The following CAB39L variants were observed in gnomAD, a reference collection of about 807,000 sequenced individuals.
CAB39L encodes calcium binding protein 39 like, also known as calcium-binding protein 39-like.
Under a neutral mutation model 39.1 loss-of-function variants are expected in CAB39L, and 23 were observed. The observed-to-expected ratio is 0.59, with a 90% CI of 0.42 to 0.83. The LOEUF is 0.83. CAB39L is among the 40% of genes least tolerant of loss of function. The pLI is 0.00. For synonymous variants in CAB39L, 126 were observed against 137.2 expected, an observed-to-expected ratio of 0.92 and a Z score of 0.57; for missense variants, 366 against 391.9, an observed-to-expected ratio of 0.93 and a Z score of 0.56.
intron 3 of CAB39L, among the ~76,000 whole-genome samples, chr13:49,420,798 T>C (rs1469825381): frequency 1.3e-5 from 2 of 152,192 alleles, no homozygotes; most frequent in African/African-American, 4.8e-5. Context: ...TTACGAGAAT[T>C]TGAAAGATAG....
chr13:49,379,900 G>A (rs1161477634), intron 4 of CAB39L, among the ~76,000 whole-genome samples: 1 of 150,358 alleles, frequency 6.7e-6, no homozygotes, highest in African/African-American at 2.5e-5. Flanking sequence ...GGAGTGCAGT[G>A]GCACAATCTT....
intron 3 of CAB39L, among the ~76,000 whole-genome samples, chr13:49,392,843 A>G (rs1039243074): frequency 2.6e-5 from 4 of 152,144 alleles, no homozygotes. Context: ...ACAAAATACC[A>G]AATCAGGTTT....
chr13:49,400,584 C>T (rs1260272850), intron 3 of CAB39L, among the ~76,000 whole-genome samples: 1 of 151,962 alleles, frequency 6.6e-6, no homozygotes, highest in Non-Finnish European at 1.5e-5. Flanking sequence ...AACCCAAATG[C>T]ATTCATTCAT....
At chr13:49,340,534 G>A (rs569471945) in intron 8 of CAB39L, among the ~76,000 whole-genome samples, 46 of 152,150 alleles carry the variant, frequency 3.0e-4, no homozygotes, top group Middle Eastern at 3.2e-3. Context: ...GACAATCACC[G>A]ATAGAGAATA....
intron 6 of CAB39L, among the ~76,000 whole-genome samples, chr13:49,355,451 C>T (rs1027546145): frequency 6.6e-6 from 1 of 152,058 alleles, no homozygotes; most frequent in Non-Finnish European, 1.5e-5. Flanking sequence ...AATCCAATGT[C>T]AATGAGCACC....
chr13:49,415,068 G>A (rs536292781), intron 3 of CAB39L, among the ~76,000 whole-genome samples: 3 of 151,738 alleles, frequency 2.0e-5, no homozygotes, highest in Non-Finnish European at 2.9e-5. Context: ...GTGGTGGTGC[G>A]TGCCTGTGGT....
chr13:49,344,327 G>A (rs1955085396), intron 7 of CAB39L, 89 bp from the exon 8 acceptor site: 1 of 735,416 alleles, frequency 1.4e-6, no homozygotes, highest in Non-Finnish European at 2.3e-6. Flanking sequence ...ACATATAAAA[G>A]TTGCAGAAGA....
chr13:49,406,333 A>AATTTTTTTTTT (rs1555264228), intron 3 of CAB39L, among the ~76,000 whole-genome samples: 17 of 90,598 alleles, frequency 1.9e-4, no homozygotes, highest in Non-Finnish European at 3.1e-4. Flanking sequence ...ATGCCCAGCT[A>AATTTTTTTTTT]TTTTTTTTTT....
intron 9 of CAB39L, among the ~76,000 whole-genome samples, chr13:49,335,578 T>G (rs1011242535): frequency 6.6e-6 from 1 of 152,236 alleles, no homozygotes; most frequent in Admixed American, 6.5e-5. Context: ...AAATTTCTTA[T>G]TTTGTATGCC....
intron 3 of CAB39L, among the ~76,000 whole-genome samples, chr13:49,406,501 A>G (rs9535231): frequency 0.43 from 64,528 of 151,538 alleles, 14,025 homozygotes; most frequent in Middle Eastern, 0.53. Context: ...TAACACAAAA[A>G]ATTGACGAAT....
intron 9 of CAB39L, among the ~76,000 whole-genome samples, chr13:49,334,349 C>T (rs181889770): frequency 1.3e-5 from 2 of 152,146 alleles, no homozygotes; most frequent in African/African-American, 4.8e-5. Context: ...AAAAAAGTAA[C>T]TCATTAAGAT....
At chr13:49,314,370 T>C (rs1016874343) in intron 10 of CAB39L, among the ~76,000 whole-genome samples, 3 of 152,206 alleles carry the variant, frequency 2.0e-5, no homozygotes, top group Non-Finnish European at 4.4e-5. Context: ...GTAAGTCTCC[T>C]GAAAGCCTTC....
At chr13:49,313,870 T>G (rs1226751123) in intron 10 of CAB39L, among the ~76,000 whole-genome samples, 2 of 151,824 alleles carry the variant, frequency 1.3e-5, no homozygotes, top group Non-Finnish European at 2.9e-5. Flanking sequence ...GCAGTGGGGG[T>G]TTCATGGCTA....
At chr13:49,318,203 T>G (rs577176358) in intron 10 of CAB39L, among the ~76,000 whole-genome samples, 2 of 152,074 alleles carry the variant, frequency 1.3e-5, no homozygotes, top group South Asian at 4.2e-4. Context: ...GGCTCATGCC[T>G]GTAATCCCAA....
At chr13:49,399,518 C>A (rs903488901) in intron 3 of CAB39L, among the ~76,000 whole-genome samples, 5 of 152,020 alleles carry the variant, frequency 3.3e-5, no homozygotes, top group Non-Finnish European at 7.4e-5. Context: ...GGTTTTTCTA[C>A]AGCATGGGTA....
At chr13:49,329,578 T>A (rs1163788176) in intron 10 of CAB39L, among the ~76,000 whole-genome samples, 1,465 of 100,268 alleles carry the variant, frequency 0.015, 142 homozygotes, top group African/African-American at 0.039. Context: ...TATATATATA[T>A]ATATATATAT....
intron 3 of CAB39L, among the ~76,000 whole-genome samples, chr13:49,404,660 A>C (rs1184487606): frequency 6.6e-6 from 1 of 152,164 alleles, no homozygotes; most frequent in Non-Finnish European, 1.5e-5. Context: ...AGCTGTTTTG[A>C]GGAAGCTCAA....
intron 10 of CAB39L, among the ~76,000 whole-genome samples, chr13:49,311,986 T>C (rs1355081884): frequency 6.6e-6 from 1 of 152,200 alleles, no homozygotes; most frequent in African/African-American, 2.4e-5. Context: ...CTGGAACTCC[T>C]GGGCTCAAGC....
chr13:49,325,557 G>C (rs962983422), intron 10 of CAB39L, among the ~76,000 whole-genome samples: 1 of 152,184 alleles, frequency 6.6e-6, no homozygotes. Flanking sequence ...GGGAGGCTGA[G>C]ACGGGCGGAT....
Sources: gnomAD v4.1 joint callset for allele counts (sites outside exome capture counted in the v4.1 genomes callset) on GRCh38, gnomAD v4.1.1 for gene constraint, MANE v1.5 for transcripts, NCBI Gene and HGNC (gene_info 2026-07-23, HGNC 2026-07-21) for gene names.